Variants in RTN3 observed in about 807,000 individuals in gnomAD.
RTN3 encodes reticulon-3.
RTN3 carries 49 observed loss-of-function variants against 77.8 expected under a neutral mutation model. The ratio of observed to expected loss-of-function variants is 0.63; its 90% CI spans 0.50 to 0.80. The LOEUF (loss-of-function observed/expected upper bound fraction) is 0.80, where lower values mean the gene tolerates loss of function less well. RTN3 is among the 30% of genes least tolerant of loss of function. RTN3 has a pLI of 0.00. For synonymous variants in RTN3, 464 were observed against 446.9 expected, an observed-to-expected ratio of 1.04 and a Z score of -0.48; for missense variants, 1,236 against 1,211.9, an observed-to-expected ratio of 1.02 and a Z score of -0.29.
intron 3 of RTN3, among the ~76,000 whole-genome samples, chr11:63,734,154 G>C (rs2012905839): frequency 6.6e-6 from 1 of 152,074 alleles, no homozygotes; most frequent in South Asian, 2.1e-4. Flanking sequence ...CCTGAAGATT[G>C]GGTACAATGT....
chr11:63,704,608 A>G (rs967003734), intron 1 of RTN3, among the ~76,000 whole-genome samples: 5 of 151,444 alleles, frequency 3.3e-5, no homozygotes, highest in African/African-American at 9.7e-5. Flanking sequence ...TTTGAAGGTG[A>G]GAATGTTTGA....
chr11:63,706,568 G>C (rs938382893), intron 2 of RTN3, among the ~76,000 whole-genome samples: 8 of 152,202 alleles, frequency 5.3e-5, no homozygotes, highest in Non-Finnish European at 1.2e-4. Context: ...GTGTCTCATT[G>C]TGTGAATTTG....
intron 3 of RTN3, among the ~76,000 whole-genome samples, chr11:63,735,962 A>G (rs2013091267): frequency 6.6e-6 from 1 of 152,230 alleles, no homozygotes; most frequent in Non-Finnish European, 1.5e-5. Flanking sequence ...GTAAAGAAAC[A>G]GAGAACCCAG....
At chr11:63,701,229 C>G (rs2134706526) in intron 1 of RTN3, among the ~76,000 whole-genome samples, 1 of 151,266 alleles carries the variant, frequency 6.6e-6, no homozygotes, top group East Asian at 1.9e-4. Context: ...TGTTTTTTTC[C>G]TGATATCAAA....
At chr11:63,718,037 TGGAGGG>T in intron 2 of RTN3, among the ~76,000 whole-genome samples, 1 of 151,754 alleles carries the variant, frequency 6.6e-6, no homozygotes, top group Non-Finnish European at 1.5e-5. Context: ...AAAAAGATTT[TGGAGGG>T]GGTCCACCTT....
intron 3 of RTN3, among the ~76,000 whole-genome samples, chr11:63,746,334 CAT>C (rs1386024894): frequency 1.3e-5 from 2 of 152,200 alleles, no homozygotes; most frequent in Non-Finnish European, 2.9e-5. Flanking sequence ...CATTTGGCCA[CAT>C]GTGCGTTATC....
At chr11:63,697,633 G>A (rs965589277) in intron 1 of RTN3, among the ~76,000 whole-genome samples, 4 of 151,850 alleles carry the variant, frequency 2.6e-5, no homozygotes, top group Admixed American at 2.0e-4. Flanking sequence ...CTGCCACCAC[G>A]CCTGGCTAAT....
intron 3 of RTN3, among the ~76,000 whole-genome samples, chr11:63,729,605 A>G (rs891427229): frequency 2.0e-5 from 3 of 151,366 alleles, no homozygotes; most frequent in Admixed American, 6.6e-5. Flanking sequence ...CCACAGGTGC[A>G]TGCCACCACA....
chr11:63,735,550 T>TTCTCTATCTCTCTCTCTCTC (rs2013035295), intron 3 of RTN3, among the ~76,000 whole-genome samples: 1 of 42,686 alleles, frequency 2.3e-5, no homozygotes, highest in South Asian at 1.5e-3. Context: ...ATTCTAACAT[T>TTCTCTATCTCTCTCTCTCTC]TCTCTCTCTC....
At chr11:63,727,799 A>T (rs1405965897) in intron 3 of RTN3, among the ~76,000 whole-genome samples, 1 of 152,168 alleles carries the variant, frequency 6.6e-6, no homozygotes, top group East Asian at 1.9e-4. Flanking sequence ...ATTTTTTATA[A>T]TTGGAGTCCT....
intron 3 of RTN3, among the ~76,000 whole-genome samples, chr11:63,725,007 AAGGC>A (rs2012139023): frequency 6.6e-6 from 1 of 151,850 alleles, no homozygotes. Context: ...GAAAAGTACA[AAGGC>A]AGCCTACACC....
intron 8 of RTN3, among the ~76,000 whole-genome samples, chr11:63,757,029 T>TA (rs1397599998): frequency 6.6e-6 from 1 of 152,120 alleles, no homozygotes; most frequent in Non-Finnish European, 1.5e-5. Context: ...TGGGTGACAG[T>TA]GAGACTCCGT....
intron 3 of RTN3, among the ~76,000 whole-genome samples, chr11:63,735,040 T>A (rs1045113773): frequency 3.3e-5 from 5 of 151,982 alleles, no homozygotes; most frequent in African/African-American, 1.2e-4. Flanking sequence ...AAAAAAAAAC[T>A]TTTTTTGAGA....
intron 1 of RTN3, among the ~76,000 whole-genome samples, chr11:63,700,339 G>C (rs1213923298): frequency 1.4e-5 from 2 of 139,646 alleles, no homozygotes; most frequent in Non-Finnish European, 3.0e-5. Flanking sequence ...ACAGTGGTGT[G>C]ATCACGGTTC....
Position 63,753,381 on chromosome 11 carries a change from C to T in RTN3, c.2947+243C>T, listed in dbSNP as rs189359123. The stretch of plus-strand genomic sequence containing the variant: ...AGGACAGTTGTCTAGATTTGGTTTA[C>T]GTATGGGGATCTTATTTACAGAAAC... On this transcript the variant is annotated intron_variant, in intron 6 of 8. Transcript: ENST00000377819. Among the ~76,000 whole-genome samples the T allele has an allele frequency of 1.3e-3, 196 of 152,248 alleles. 1 individual carries two copies. Among genetic ancestry groups the T allele is most frequent in the African/African-American group, 4.3e-3 (178 of 41,518 alleles).
intron 1 of RTN3, among the ~76,000 whole-genome samples, chr11:63,701,947 TAAA>T (rs1942257510): frequency 6.6e-6 from 1 of 152,042 alleles, no homozygotes; most frequent in South Asian, 2.1e-4. Context: ...CAAAAATAAA[TAAA>T]TAAGGAAAGG....
At chr11:63,703,687 C>G (rs1048665685) in intron 1 of RTN3, among the ~76,000 whole-genome samples, 1 of 151,718 alleles carries the variant, frequency 6.6e-6, no homozygotes, top group Admixed American at 6.6e-5. Flanking sequence ...GGACTACAGG[C>G]GCCCGCCACC....
At chr11:63,753,824 A>C (rs1323314039) in intron 7 of RTN3, 116 bp downstream of exon 7, 1 of 947,102 alleles carries the variant, frequency 1.1e-6, no homozygotes, top group Non-Finnish European at 1.6e-6. Flanking sequence ...CTACAATCTA[A>C]TTTTGTGAGT....
rs766208078 is a variant in RTN3 at position 63,758,374 on chromosome 11, C to T, written c.*173C>T. 1 of 1,575,522 alleles carries T rather than the reference C, an allele frequency of 6.3e-7. No homozygotes were observed. The highest frequency in any genetic ancestry group is 2.2e-5 in the East Asian group (1 of 44,580). On this transcript the variant is annotated 3_prime_UTR_variant, in exon 9 of 9. Transcript: ENST00000377819. Reference sequence around the variant, plus strand: ...TCCCTTTAACCCTCAGTATCAAGCACAAAAATTGATGGACTGATAAAAGAA... The same window carrying T: ...TCCCTTTAACCCTCAGTATCAAGCATAAAAATTGATGGACTGATAAAAGAA...
Sources: gnomAD v4.1 joint callset for allele counts (sites outside exome capture counted in the v4.1 genomes callset) on GRCh38, gnomAD v4.1.1 for gene constraint, MANE v1.5 for transcripts, NCBI Gene and HGNC (gene_info 2026-07-23, HGNC 2026-07-21) for gene names.